AKAP6: variants seen among roughly 807,000 people sequenced by gnomAD.
AKAP6 encodes A-kinase anchoring protein 6, also known as A-kinase anchor protein 6.
Under a neutral mutation model 188.5 loss-of-function variants are expected in AKAP6, and 58 were observed. The observed-to-expected ratio is 0.31, with a 90% CI of 0.25 to 0.38. The LOEUF (loss-of-function observed/expected upper bound fraction) is 0.38. Ranked by LOEUF, AKAP6 falls within the 10% of genes least tolerant of loss-of-function variation. The pLI is 1.00. For missense variants in AKAP6, 2,710 were observed against 2,740.0 expected, an observed-to-expected ratio of 0.99 and a Z score of 0.24; for synonymous variants, 989 against 998.6, an observed-to-expected ratio of 0.99 and a Z score of 0.18.
chr14:32,603,512 A>G (rs1594776094), intron 7 of AKAP6, among the ~76,000 whole-genome samples: 1 of 152,140 alleles, frequency 6.6e-6, no homozygotes, highest in African/African-American at 2.4e-5. Context: ...CAAAAAGAGG[A>G]CCTGCCTACC....
In AKAP6 at chr14:32,540,166, CTCTATA is replaced by C. The variant is rs1273873431; in HGVS notation, c.576+4363_576+4368del. On this transcript the variant is annotated intron_variant, in intron 3 of 13. Coordinates refer to ENST00000280979, the MANE Select transcript of AKAP6 (RefSeq NM_004274.5). Reference sequence around the variant, plus strand: ...TCTCTCTCTCTCTCTCTCTCTCTCTCTCTATATATATATATATATATATATATTTTA... The same window carrying C: ...TCTCTCTCTCTCTCTCTCTCTCTCTCTATATATATATATATATATATTTTA... Among the ~76,000 whole-genome samples, 838 of 87,336 alleles carry C rather than the reference CTCTATA, an allele frequency of 9.6e-3. 3 individuals are homozygous for C. Among genetic ancestry groups the C allele is most frequent in the East Asian group, 0.017 (54 of 3,094 alleles). The allele number at this position is 87,336 out of a possible 152,430, so 57.3% of individuals were successfully genotyped here. A position where few individuals can be genotyped will look rare whatever the true frequency, so the allele number is the denominator to read the frequency against.
intron 1 of AKAP6, among the ~76,000 whole-genome samples, chr14:32,404,665 G>C (rs1356560389): frequency 6.8e-4 from 44 of 64,494 alleles, no homozygotes; most frequent in African/African-American, 2.2e-3. Context: ...AAGAGTGATG[G>C]AGAGTGGGGT....
chr14:32,781,363 A>G (rs2140019582), intron 12 of AKAP6, among the ~76,000 whole-genome samples: 1 of 151,450 alleles, frequency 6.6e-6, no homozygotes, highest in Non-Finnish European at 1.5e-5. Context: ...AAAAAAAAAA[A>G]GAGAATATGA....
At chr14:32,704,604 G>A (rs1890738845) in intron 9 of AKAP6, among the ~76,000 whole-genome samples, 1 of 151,914 alleles carries the variant, frequency 6.6e-6, no homozygotes, top group South Asian at 2.1e-4. Context: ...GGCTAATCTG[G>A]TTTGAGGCTG....
chr14:32,543,448 G>C (rs1183555470), intron 3 of AKAP6, among the ~76,000 whole-genome samples: 1 of 152,168 alleles, frequency 6.6e-6, no homozygotes. Context: ...TTCACCTGCT[G>C]ATGGACACTG....
chr14:32,606,652 C>G (rs1886138306), intron 7 of AKAP6, among the ~76,000 whole-genome samples: 1 of 151,528 alleles, frequency 6.6e-6, no homozygotes, highest in Non-Finnish European at 1.5e-5. Flanking sequence ...GCCTGAGTCC[C>G]AACTAACATC....
intron 10 of AKAP6, 126 bp downstream of exon 10, chr14:32,732,726 C>A (rs2031238920): frequency 1.8e-6 from 2 of 1,120,164 alleles, no homozygotes; most frequent in Non-Finnish European, 2.6e-6. Flanking sequence ...ACGTTTCAAA[C>A]AAGCTATTCA....
chr14:32,707,056 C>CT (rs1890840521), intron 9 of AKAP6, among the ~76,000 whole-genome samples: 1 of 152,036 alleles, frequency 6.6e-6, no homozygotes, highest in South Asian at 2.1e-4. Context: ...TAATATCCCC[C>CT]TTGTCATCTC....
chr14:32,478,083 C>T (rs1006964963), intron 2 of AKAP6, among the ~76,000 whole-genome samples: 18 of 152,172 alleles, frequency 1.2e-4, no homozygotes, highest in Admixed American at 1.1e-3. Context: ...GCTTGACAGA[C>T]ATAGTGGGCA....
At chr14:32,415,782 T>C (rs1889637755) in intron 1 of AKAP6, among the ~76,000 whole-genome samples, 2 of 152,182 alleles carry the variant, frequency 1.3e-5, no homozygotes, top group African/African-American at 2.4e-5. Flanking sequence ...TGGAATCATA[T>C]AGTATTTATC....
chr14:32,529,951 T>A (rs187444503), intron 2 of AKAP6, among the ~76,000 whole-genome samples: 227 of 147,658 alleles, frequency 1.5e-3, no homozygotes, highest in African/African-American at 5.5e-3. Flanking sequence ...GGTGAACATA[T>A]GGGTAAAGAA....
chr14:32,396,611 G>A (rs1048914567), intron 1 of AKAP6, among the ~76,000 whole-genome samples: 6 of 152,148 alleles, frequency 3.9e-5, no homozygotes, highest in Non-Finnish European at 8.8e-5. Flanking sequence ...GGAGTTCTGG[G>A]AAAGTTTTCC....
chr14:32,731,542 A>G (rs2031177759), intron 9 of AKAP6, among the ~76,000 whole-genome samples: 1 of 152,126 alleles, frequency 6.6e-6, no homozygotes, highest in Admixed American at 6.6e-5. Flanking sequence ...GGAAGAAAAA[A>G]GTTTTAAAAT....
At chr14:32,817,473 G>C (rs2383380) in intron 12 of AKAP6, among the ~76,000 whole-genome samples, 143,845 of 150,332 alleles carry the variant, frequency 0.96, 68,856 homozygotes, top group East Asian at 1. Context: ...GTGTGTGTGT[G>C]TGTGTGTGTG....
At chr14:32,681,272 T>A (rs1889664657) in intron 8 of AKAP6, among the ~76,000 whole-genome samples, 1 of 152,216 alleles carries the variant, frequency 6.6e-6, no homozygotes, top group Non-Finnish European at 1.5e-5. Flanking sequence ...AGATTCAGTT[T>A]AATTTGCTAA....
At chr14:32,717,342 T>C (rs1466770805) in intron 9 of AKAP6, among the ~76,000 whole-genome samples, 1 of 152,146 alleles carries the variant, frequency 6.6e-6, no homozygotes, top group Admixed American at 6.6e-5. Context: ...TCATATTCTG[T>C]CATCTGTTTA....
chr14:32,813,818 T>G (rs17099569), intron 12 of AKAP6, among the ~76,000 whole-genome samples: 2,899 of 152,100 alleles, frequency 0.019, 90 homozygotes, highest in African/African-American at 0.066. Flanking sequence ...TTATAGAACA[T>G]TCAAGGTCTT....
At chr14:32,567,897 T>C (rs1427457345) in intron 4 of AKAP6, among the ~76,000 whole-genome samples, 1 of 151,882 alleles carries the variant, frequency 6.6e-6, no homozygotes, top group Admixed American at 6.6e-5. Flanking sequence ...TGGAGGAGAC[T>C]TTGAACTGTA....
intron 2 of AKAP6, among the ~76,000 whole-genome samples, chr14:32,480,860 C>T (rs1279687014): frequency 6.6e-6 from 1 of 152,120 alleles, no homozygotes; most frequent in Non-Finnish European, 1.5e-5. Flanking sequence ...GTTGCTTCAA[C>T]ACACAATTCA....
Sources: gnomAD v4.1 joint callset for allele counts (sites outside exome capture counted in the v4.1 genomes callset) on GRCh38, gnomAD v4.1.1 for gene constraint, MANE v1.5 for transcripts, NCBI Gene and HGNC (gene_info 2026-07-23, HGNC 2026-07-21) for gene names.